NELL1: variants seen among roughly 807,000 people sequenced by gnomAD.
The protein encoded by NELL1 is protein kinase C-binding protein NELL1.
A neutral mutation model predicts 107.4 loss-of-function variants in NELL1; 76 were observed. The observed-to-expected ratio is 0.71, with a 90% CI of 0.59 to 0.86. The LOEUF (loss-of-function observed/expected upper bound fraction) is 0.86. NELL1 is among the 40% of genes least tolerant of loss of function. NELL1 has a pLI of 0.00. For missense variants in NELL1, 1,024 were observed against 1,005.5 expected (o/e 1.02, Z -0.25); for synonymous variants, 353 against 341.2 (o/e 1.03, Z -0.38).
chr11:21,230,947 T>A (rs1014145159), intron 14 of NELL1, among the ~76,000 whole-genome samples: 9 of 152,000 alleles, frequency 5.9e-5, no homozygotes, highest in African/African-American at 2.2e-4. Flanking sequence ...GTGCATAGAA[T>A]TTTTTTTGCA....
chr11:20,786,132 C>T (rs2133985039), intron 3 of NELL1, among the ~76,000 whole-genome samples: 1 of 151,266 alleles, frequency 6.6e-6, no homozygotes, highest in South Asian at 2.1e-4. Context: ...GGGCGGATCA[C>T]CTGAGGTCAG....
chr11:20,960,614 G>T (rs1026112179), intron 12 of NELL1, 54 bp downstream of exon 12: 172 of 1,599,220 alleles, frequency 1.1e-4, no homozygotes, highest in Non-Finnish European at 1.4e-4. Context: ...AGAAGTGTAT[G>T]CCTGGTAGAT....
At chr11:20,826,787 A>G (rs1488375550) in intron 3 of NELL1, among the ~76,000 whole-genome samples, 1 of 151,170 alleles carries the variant, frequency 6.6e-6, no homozygotes, top group Non-Finnish European at 1.5e-5. Flanking sequence ...TTTGCCTGAT[A>G]CATCTTAAAT....
chr11:21,456,642 A>C (rs2133866087), intron 15 of NELL1, among the ~76,000 whole-genome samples: 1 of 152,268 alleles, frequency 6.6e-6, no homozygotes, highest in South Asian at 2.1e-4. Flanking sequence ...TTCTCAACAA[A>C]TATTTATTGA....
At chr11:20,677,243 C>T (rs1565302534) in intron 1 of NELL1, among the ~76,000 whole-genome samples, 1 of 152,150 alleles carries the variant, frequency 6.6e-6, no homozygotes, top group African/African-American at 2.4e-5. Flanking sequence ...TCCTTTTCCA[C>T]TTTTTTCCTC....
chr11:21,426,976 C>T (rs1852837983), intron 15 of NELL1, among the ~76,000 whole-genome samples: 1 of 152,068 alleles, frequency 6.6e-6, no homozygotes, highest in African/African-American at 2.4e-5. Flanking sequence ...AAGACGAAGC[C>T]TCTAGGGTAT....
At chr11:21,482,550 T>G (rs1047848089) in intron 15 of NELL1, among the ~76,000 whole-genome samples, 1 of 152,184 alleles carries the variant, frequency 6.6e-6, no homozygotes, top group African/African-American at 2.4e-5. Flanking sequence ...GTACATGACA[T>G]GTACTAATAG....
At chr11:20,961,990 T>C (rs1279538218) in intron 12 of NELL1, among the ~76,000 whole-genome samples, 3 of 152,068 alleles carry the variant, frequency 2.0e-5, no homozygotes, top group African/African-American at 7.2e-5. Context: ...TCTGGAAGAC[T>C]TTCTTTGTTA....
intron 12 of NELL1, among the ~76,000 whole-genome samples, chr11:21,095,855 C>G (rs1854629527): frequency 6.6e-6 from 1 of 152,168 alleles, no homozygotes; most frequent in African/African-American, 2.4e-5. Context: ...GGTAATCCAC[C>G]CGCCTCAGCC....
chr11:21,516,754 CACACACAG>C (rs937519718), intron 15 of NELL1, among the ~76,000 whole-genome samples: 29 of 147,422 alleles, frequency 2.0e-4, no homozygotes, highest in East Asian at 1.4e-3. Flanking sequence ...CACACACACA[CACACACAG>C]ACACACACAC....
At chr11:21,127,971 T>C (rs1364082625) in intron 13 of NELL1, among the ~76,000 whole-genome samples, 2 of 152,136 alleles carry the variant, frequency 1.3e-5, no homozygotes, top group Non-Finnish European at 1.5e-5. Context: ...ATTTTTTTTC[T>C]TTCTGTATTA....
chr11:21,574,138 T>A (rs914544106), intron 19 of NELL1, among the ~76,000 whole-genome samples: 2 of 151,864 alleles, frequency 1.3e-5, no homozygotes, highest in African/African-American at 4.8e-5. Flanking sequence ...TGTTTAAGAT[T>A]CCCATGATTA....
At chr11:20,708,222 G>A (rs1458846261) in intron 2 of NELL1, among the ~76,000 whole-genome samples, 6 of 152,338 alleles carry the variant, frequency 3.9e-5, no homozygotes, top group South Asian at 2.1e-4. Flanking sequence ...GGAGTGTCCC[G>A]ATTTTCCAGG....
At chr11:20,964,285 G>A (rs1851347330) in intron 12 of NELL1, among the ~76,000 whole-genome samples, 1 of 152,050 alleles carries the variant, frequency 6.6e-6, no homozygotes, top group Non-Finnish European at 1.5e-5. Flanking sequence ...CTTAGTTCTT[G>A]AATTTGGAGT....
chr11:20,933,879 A>G (rs1433490411), intron 9 of NELL1, among the ~76,000 whole-genome samples: 2 of 152,188 alleles, frequency 1.3e-5, no homozygotes, highest in African/African-American at 4.8e-5. Flanking sequence ...TATCCTCAGT[A>G]CATTTTGTTT....
chr11:21,125,232 T>A (rs1256294267), intron 13 of NELL1, among the ~76,000 whole-genome samples: 1 of 152,160 alleles, frequency 6.6e-6, no homozygotes, highest in Non-Finnish European at 1.5e-5. Flanking sequence ...AAGGGGAGCC[T>A]GAAAAGACCC....
At chr11:20,832,616 G>A (rs1473068853) in intron 3 of NELL1, among the ~76,000 whole-genome samples, 2 of 152,116 alleles carry the variant, frequency 1.3e-5, no homozygotes, top group African/African-American at 2.4e-5. Context: ...AGATGATGGT[G>A]ATACATCAAA....
At position 21,429,420 on chromosome 11, in the gene NELL1, A is replaced by G. The variant is rs1852913440; in HGVS notation, c.1645+58472A>G. On this transcript the variant is annotated intron_variant, in intron 15 of 19. Transcript: ENST00000357134. ...TAGCTTTTAAACTCATTGGGGGCAA[A>G]GTTTGACTTTATTAAAATCTGTGTA... Among the ~76,000 whole-genome samples the G allele has an allele frequency of 2.6e-5, 4 of 152,312 alleles. No homozygotes were observed. In the South Asian group the frequency reaches 8.3e-4, roughly 32 times the overall value.
chr11:21,457,057 T>TCTTTA (rs1853764553), intron 15 of NELL1, among the ~76,000 whole-genome samples: 1 of 152,084 alleles, frequency 6.6e-6, no homozygotes, highest in Admixed American at 6.5e-5. Context: ...GAGGAAAATG[T>TCTTTA]GTAAATAAAT....
Sources: gnomAD v4.1 joint callset for allele counts (sites outside exome capture counted in the v4.1 genomes callset) on GRCh38, gnomAD v4.1.1 for gene constraint, MANE v1.5 for transcripts, NCBI Gene and HGNC (gene_info 2026-07-23, HGNC 2026-07-21) for gene names.